The following KCNMA1 variants were observed in gnomAD, a reference collection of about 807,000 sequenced individuals.
The protein encoded by KCNMA1 is Calcium-activated potassium channel subunit alpha-1.
In KCNMA1, 29 loss-of-function variants were observed where a neutral mutation model predicts 140.0. The ratio of observed to expected loss-of-function variants is 0.21; its 90% CI spans 0.15 to 0.28. KCNMA1 has a LOEUF of 0.28. Ranked by LOEUF, KCNMA1 falls within the 10% of genes least tolerant of loss-of-function variation. The probability of loss-of-function intolerance (pLI) is 1.00; values close to 1 mark genes in which losing one functional copy is unlikely to be tolerated. For synonymous variants in KCNMA1, 612 were observed against 611.9 expected (o/e 1.00, Z 0.00); for missense variants, 880 against 1,602.2 (o/e 0.55, Z 7.70).
At chr10:77,201,379 AAC>A (rs1314314490) in intron 3 of KCNMA1, among the ~76,000 whole-genome samples, 1 of 152,212 alleles carries the variant, frequency 6.6e-6, no homozygotes, top group Non-Finnish European at 1.5e-5. Context: ...TACAAATGCT[AAC>A]ACAGGGAAAA....
intron 16 of KCNMA1, among the ~76,000 whole-genome samples, chr10:77,027,550 G>T (rs1025977038): frequency 1.2e-4 from 19 of 152,202 alleles, no homozygotes; most frequent in Non-Finnish European, 5.9e-5. Context: ...AGGTCGGCAT[G>T]ATCAGGTGGA....
At chr10:77,425,362 G>T (rs561138975) in intron 1 of KCNMA1, among the ~76,000 whole-genome samples, 12 of 152,240 alleles carry the variant, frequency 7.9e-5, no homozygotes, top group African/African-American at 2.4e-4. Flanking sequence ...TTGAATTTAG[G>T]CTTCTGAGCA....
Position 77,575,874 on chromosome 10 carries a change from G to A in KCNMA1, c.378+61391C>T, listed in dbSNP as rs142944617. On this transcript the variant is annotated intron_variant, in intron 1 of 27. Transcript: ENST00000286628. ...AGAGCCCTGGGCCCCACCCCCAGAG[G>A]GGAGTCCCTGACTTGGGGGTTGGGC... Among the ~76,000 whole-genome samples the A allele has an allele frequency of 3.3e-5, 5 of 152,338 alleles. No homozygotes were observed. In the East Asian group the frequency reaches 9.7e-4, roughly 29 times the overall value.
intron 1 of KCNMA1, among the ~76,000 whole-genome samples, chr10:77,575,728 C>A (rs2073844386): frequency 6.6e-6 from 1 of 152,240 alleles, no homozygotes; most frequent in South Asian, 2.1e-4. Context: ...TACCCAGAGG[C>A]TATTCGGATT....
chr10:77,176,123 G>A (rs2098749718), intron 5 of KCNMA1, among the ~76,000 whole-genome samples: 1 of 152,142 alleles, frequency 6.6e-6, no homozygotes, highest in Non-Finnish European at 1.5e-5. Context: ...TTGAAGCAGA[G>A]GAACAGAGAG....
intron 16 of KCNMA1, among the ~76,000 whole-genome samples, chr10:77,022,089 G>A (rs1469742409): frequency 1.3e-5 from 2 of 152,096 alleles, no homozygotes; most frequent in Non-Finnish European, 2.9e-5. Flanking sequence ...TTTAGAATTC[G>A]TTATTGACCT....
chr10:77,336,534 T>C (rs1195608813), intron 2 of KCNMA1, among the ~76,000 whole-genome samples: 1 of 152,190 alleles, frequency 6.6e-6, no homozygotes, highest in African/African-American at 2.4e-5. Context: ...AAATTGAATG[T>C]CTGTGAGCAT....
At position 77,006,053 on chromosome 10, in the gene KCNMA1, C is replaced by T. The variant is rs565779297; in HGVS notation, c.2093-4473G>A. 3.3e-5 allele frequency among the ~76,000 whole-genome samples: 5 copies of T among 152,154 alleles called. No individual in the cohort carries two copies. The South Asian group carries it at 1.0e-3, about 32-fold the overall frequency. On this transcript the variant is annotated intron_variant, in intron 18 of 27. Coordinates refer to ENST00000286628, the MANE Select transcript of KCNMA1 (RefSeq NM_001161352.2). ...TTCTCTGCTGGCTGGCCTTTCTGAGCCAAGCCTGGAATGGAAGGAAGAATT... is the reference window on the plus strand; with the variant it reads ...TTCTCTGCTGGCTGGCCTTTCTGAGTCAAGCCTGGAATGGAAGGAAGAATT...
In KCNMA1 at chr10:76,923,186, CATTA is replaced by C. The variant is rs541387333; in HGVS notation, c.2903-8141_2903-8138del. On this transcript the variant is annotated intron_variant, in intron 23 of 27. Transcript: ENST00000286628. ...CAAAACTTCTCTATAGTTATTTGCC[CATTA>C]AGATTCGTAAAATATATTCAGCTCT... is the stretch of plus-strand genomic sequence containing the variant. Among the ~76,000 whole-genome samples the C allele has an allele frequency of 9.5e-4, 145 of 152,260 alleles. 1 individual carries two copies. The highest frequency in any genetic ancestry group is 3.4e-3 in the African/African-American group (141 of 41,564).
At chr10:77,457,404 G>T (rs1454879144) in intron 1 of KCNMA1, among the ~76,000 whole-genome samples, 1 of 152,056 alleles carries the variant, frequency 6.6e-6, no homozygotes, top group African/African-American at 2.4e-5. Flanking sequence ...TATCACCTCT[G>T]GGTATCCTGC....
At chr10:77,501,998 A>C (rs2044088294) in intron 1 of KCNMA1, among the ~76,000 whole-genome samples, 1 of 152,210 alleles carries the variant, frequency 6.6e-6, no homozygotes, top group Admixed American at 6.5e-5. Context: ...TAGAGCTGTA[A>C]GTCCCTATGG....
intron 25 of KCNMA1, among the ~76,000 whole-genome samples, chr10:76,893,446 G>GGGAA (rs1408588180): frequency 6.6e-6 from 1 of 152,172 alleles, no homozygotes; most frequent in Non-Finnish European, 1.5e-5. Flanking sequence ...GAAAATGGGA[G>GGGAA]GTCAGCCAAG....
chr10:77,398,052 A>ATG (rs1200761648), intron 2 of KCNMA1, among the ~76,000 whole-genome samples: 163 of 108,894 alleles, frequency 1.5e-3, no homozygotes, highest in African/African-American at 5.7e-3. Context: ...GTGTGTATAT[A>ATG]TGTGTGTATG....
chr10:77,032,182 C>A (rs1026725954), intron 15 of KCNMA1, among the ~76,000 whole-genome samples: 1 of 152,292 alleles, frequency 6.6e-6, no homozygotes, highest in South Asian at 2.1e-4. Flanking sequence ...CCCTCTTATA[C>A]CCTTATGTAC....
At chr10:77,231,378 A>C (rs2053526142) in intron 3 of KCNMA1, among the ~76,000 whole-genome samples, 1 of 152,154 alleles carries the variant, frequency 6.6e-6, no homozygotes. Flanking sequence ...GTTGCTTTTC[A>C]AGATGTGAAG....
chr10:77,278,586 A>G (rs894573909), intron 2 of KCNMA1, among the ~76,000 whole-genome samples: 3 of 152,194 alleles, frequency 2.0e-5, no homozygotes, highest in Admixed American at 1.3e-4. Context: ...TCCAGCCTCA[A>G]CCCAGGACTA....
At chr10:77,514,532 C>T (rs2154549112) in intron 1 of KCNMA1, among the ~76,000 whole-genome samples, 1 of 152,340 alleles carries the variant, frequency 6.6e-6, no homozygotes, top group Non-Finnish European at 1.5e-5. Flanking sequence ...GCAGTGACAA[C>T]TCCCAGCTGG....
intron 1 of KCNMA1, among the ~76,000 whole-genome samples, chr10:77,586,856 C>G (rs1020155443): frequency 6.6e-6 from 1 of 152,192 alleles, no homozygotes; most frequent in African/African-American, 2.4e-5. Flanking sequence ...ACTCCTAGCT[C>G]TATTTTTACC....
At chr10:77,581,335 A>C (rs2075807843) in intron 1 of KCNMA1, among the ~76,000 whole-genome samples, 1 of 150,770 alleles carries the variant, frequency 6.6e-6, no homozygotes, top group South Asian at 2.1e-4. Flanking sequence ...TTTGAGACAG[A>C]GTCTCGCTCT....
Sources: gnomAD v4.1 joint callset for allele counts (sites outside exome capture counted in the v4.1 genomes callset) on GRCh38, gnomAD v4.1.1 for gene constraint, MANE v1.5 for transcripts, NCBI Gene and HGNC (gene_info 2026-07-23, HGNC 2026-07-21) for gene names.